Variants in GRM8 observed in about 807,000 individuals in gnomAD.
The protein encoded by GRM8 is metabotropic glutamate receptor 8.
Under a neutral mutation model 87.2 loss-of-function variants are expected in GRM8, and 47 were observed. The ratio of observed to expected loss-of-function variants is 0.54; its 90% CI spans 0.43 to 0.69. The LOEUF (loss-of-function observed/expected upper bound fraction) is 0.69. GRM8 is among the 30% of genes least tolerant of loss of function. The probability of loss-of-function intolerance (pLI) is 0.00; values close to 1 mark genes in which losing one functional copy is unlikely to be tolerated. For missense variants in GRM8, 1,019 were observed against 1,139.2 expected, an observed-to-expected ratio of 0.89 and a Z score of 1.52; for synonymous variants, 396 against 404.5, an observed-to-expected ratio of 0.98 and a Z score of 0.25.
chr7:126,527,229 A>G (rs1484587132), intron 9 of GRM8, among the ~76,000 whole-genome samples: 2 of 152,172 alleles, frequency 1.3e-5, no homozygotes, highest in Admixed American at 6.5e-5. Context: ...ATAGTGGTGC[A>G]CATCTGTAAT....
At chr7:126,694,671 G>A (rs3808152) in intron 7 of GRM8, among the ~76,000 whole-genome samples, 18,158 of 152,142 alleles carry the variant, frequency 0.12, 1,650 homozygotes, top group East Asian at 0.33. Context: ...AATATACTAA[G>A]TCTTATTTTA....
At chr7:127,239,469 T>C (rs997004307) in intron 2 of GRM8, among the ~76,000 whole-genome samples, 2 of 152,258 alleles carry the variant, frequency 1.3e-5, no homozygotes, top group African/African-American at 4.8e-5. Context: ...TTTTAGATTC[T>C]GTGGGTCTTT....
At chr7:127,188,960 T>C (rs1385772750) in intron 2 of GRM8, among the ~76,000 whole-genome samples, 1 of 152,248 alleles carries the variant, frequency 6.6e-6, no homozygotes, top group East Asian at 1.9e-4. Flanking sequence ...AAGGAACTTT[T>C]ATTTTCTCAT....
intron 3 of GRM8, among the ~76,000 whole-genome samples, chr7:126,958,661 A>C (rs889380961): frequency 6.6e-6 from 1 of 152,196 alleles, no homozygotes; most frequent in Non-Finnish European, 1.5e-5. Context: ...ACAAGTGGGC[A>C]TAACAGGCCC....
intron 7 of GRM8, among the ~76,000 whole-genome samples, chr7:126,750,560 G>C (rs191508080): frequency 6.6e-6 from 1 of 152,056 alleles, no homozygotes; most frequent in African/African-American, 2.4e-5. Context: ...AAAAAGTCAT[G>C]AATGTTAATA....
At chr7:127,126,518 G>A (rs1827380657) in intron 2 of GRM8, among the ~76,000 whole-genome samples, 1 of 151,718 alleles carries the variant, frequency 6.6e-6, no homozygotes, top group African/African-American at 2.4e-5. Flanking sequence ...TAGTTAATGG[G>A]TACAATGAAC....
At chr7:127,119,403 T>C (rs1826895581) in intron 2 of GRM8, among the ~76,000 whole-genome samples, 1 of 152,014 alleles carries the variant, frequency 6.6e-6, no homozygotes, top group Non-Finnish European at 1.5e-5. Flanking sequence ...TGAGAATCAC[T>C]TGAACCCGGG....
chr7:127,108,115 C>T (rs1825989410), intron 2 of GRM8, among the ~76,000 whole-genome samples: 1 of 152,190 alleles, frequency 6.6e-6, no homozygotes, highest in Admixed American at 6.5e-5. Flanking sequence ...CCCACCTCCT[C>T]CTGCCCTTTG....
intron 3 of GRM8, among the ~76,000 whole-genome samples, chr7:127,018,068 A>G (rs1361164849): frequency 4.6e-5 from 7 of 152,096 alleles, no homozygotes; most frequent in African/African-American, 1.4e-4. Flanking sequence ...AGGAATTTAT[A>G]GCCTAGTGAA....
At chr7:127,178,289 T>C (rs1388579485) in intron 2 of GRM8, among the ~76,000 whole-genome samples, 1 of 151,496 alleles carries the variant, frequency 6.6e-6, no homozygotes, top group African/African-American at 2.4e-5. Context: ...ATTAACCCAA[T>C]CCAAAAAAGA....
chr7:126,781,900 G>A (rs966339352), intron 6 of GRM8, among the ~76,000 whole-genome samples: 3 of 152,002 alleles, frequency 2.0e-5, no homozygotes, highest in African/African-American at 7.2e-5. Flanking sequence ...ATTTTTTGTA[G>A]AGATGGGGTC....
intron 3 of GRM8, among the ~76,000 whole-genome samples, chr7:126,959,177 T>C (rs906932889): frequency 1.3e-5 from 2 of 152,304 alleles, no homozygotes; most frequent in East Asian, 3.9e-4. Context: ...ACAAAAATTT[T>C]AAAGACTGAC....
At chr7:127,098,677 C>A (rs1464322719) in intron 3 of GRM8, among the ~76,000 whole-genome samples, 2 of 152,150 alleles carry the variant, frequency 1.3e-5, no homozygotes, top group East Asian at 3.9e-4. Context: ...CAAACAGAAT[C>A]TGCCATCCCA....
intron 3 of GRM8, among the ~76,000 whole-genome samples, chr7:127,026,002 GC>G (rs889759963): frequency 1.3e-5 from 2 of 151,654 alleles, no homozygotes; most frequent in Admixed American, 6.6e-5. Context: ...CCCTCCCCCA[GC>G]CCCCTGCCCC....
At chr7:126,825,071 T>G (rs904093717) in intron 6 of GRM8, among the ~76,000 whole-genome samples, 1 of 152,168 alleles carries the variant, frequency 6.6e-6, no homozygotes, top group African/African-American at 2.4e-5. Flanking sequence ...ATGTACTTTT[T>G]TTGTTGTTTT....
chr7:126,647,591 C>T (rs62477916), intron 7 of GRM8, among the ~76,000 whole-genome samples: 46,607 of 151,794 alleles, frequency 0.31, 8,022 homozygotes, highest in East Asian at 0.43. Context: ...TATCAAGCTC[C>T]CTCTCCTCCA....
chr7:126,731,413 TC>T (rs2151482776), intron 7 of GRM8, among the ~76,000 whole-genome samples: 1 of 152,252 alleles, frequency 6.6e-6, no homozygotes, highest in East Asian at 1.9e-4. Context: ...TTCCACCTAT[TC>T]CCTTTCCTAT....
intron 9 of GRM8, among the ~76,000 whole-genome samples, chr7:126,469,202 T>C (rs967830492): frequency 1.3e-5 from 2 of 152,042 alleles, no homozygotes; most frequent in Non-Finnish European, 2.9e-5. Context: ...ACATTCTATC[T>C]TATGAAAAGT....
chr7:126,862,236 A>G (rs755400868), intron 6 of GRM8, among the ~76,000 whole-genome samples: 1 of 151,910 alleles, frequency 6.6e-6, no homozygotes, highest in Non-Finnish European at 1.5e-5. Flanking sequence ...CTGATTTTTA[A>G]TGCCATCCCA....
Sources: allele counts gnomAD v4.1 joint callset (sites outside exome capture counted in the v4.1 genomes callset), GRCh38; gene constraint gnomAD v4.1.1; transcripts MANE v1.5; gene names NCBI Gene and HGNC (gene_info 2026-07-23, HGNC 2026-07-21).